PTPN5: variants seen among roughly 807,000 people sequenced by gnomAD.
The protein encoded by PTPN5 is tyrosine-protein phosphatase non-receptor type 5.
In PTPN5, 29 loss-of-function variants were observed where a neutral mutation model predicts 73.9. The observed-to-expected ratio is 0.39, with a 90% confidence interval of 0.29 to 0.54. PTPN5 has a LOEUF of 0.54. Among genes scored for constraint, PTPN5 ranks in the 20% least tolerant of loss-of-function variants. PTPN5 has a pLI of 0.65. For synonymous variants in PTPN5, 267 were observed against 304.7 expected (o/e 0.88, Z 1.29); for missense variants, 652 against 751.4 (o/e 0.87, Z 1.55).
At position 18,786,539 on chromosome 11, in the gene PTPN5, G is replaced by T. The variant is rs545089281; in HGVS notation, c.-114+4986C>A. Among the ~76,000 whole-genome samples the T allele has an allele frequency of 9.2e-5, 14 of 152,320 alleles. No individual in the cohort carries two copies. The East Asian group carries it at 2.7e-3, about 29-fold the overall frequency. On this transcript the variant is annotated intron_variant, in intron 1 of 14. Coordinates refer to ENST00000358540, the MANE Select transcript of PTPN5 (RefSeq NM_006906.2). Reference sequence around the variant, plus strand: ...AATCTTATTTTCCACAATCCCCTAAGATAAGGAAGAGCCTTTTGGTGATAA... The same window carrying T: ...AATCTTATTTTCCACAATCCCCTAATATAAGGAAGAGCCTTTTGGTGATAA...
intron 3 of PTPN5, among the ~76,000 whole-genome samples, chr11:18,755,695 G>A (rs1445230457): frequency 6.6e-6 from 1 of 152,012 alleles, no homozygotes; most frequent in Non-Finnish European, 1.5e-5. Flanking sequence ...TGTTCAACAG[G>A]GATATGGGAA....
Position 18,728,851 on chromosome 11 carries a change from G to A in PTPN5, c.*83C>T, listed in dbSNP as rs1848739927. ...CTGAAGGGGAGGAAGCGGGGAGCAG[G>A]CCCAGGACCCGAGGCAGGGCCCTGG... On this transcript the variant is annotated 3_prime_UTR_variant, in exon 15 of 15. Transcript: ENST00000358540. The surrounding 1 kb of genome is among the most constrained non-coding windows in gnomAD (Gnocchi z 4.1). 7.3e-7 allele frequency: 1 copy of A among 1,365,268 alleles called. No individual in the cohort carries two copies. The highest frequency in any genetic ancestry group is 1.0e-6 in the Non-Finnish European group (1 of 986,238). The allele number at this position is 1,365,268 out of a possible 1,614,324, so 84.6% of individuals were successfully genotyped here.
chr11:18,776,927 C>T (rs1013174238), intron 1 of PTPN5, among the ~76,000 whole-genome samples: 4 of 152,118 alleles, frequency 2.6e-5, no homozygotes, highest in Admixed American at 6.5e-5. Context: ...TTTGGGAGGC[C>T]GAGGTGGGCA....
At chr11:18,783,542 G>A (rs1311281881) in intron 1 of PTPN5, among the ~76,000 whole-genome samples, 2 of 152,194 alleles carry the variant, frequency 1.3e-5, no homozygotes, top group African/African-American at 4.8e-5. Flanking sequence ...GACTCTTGCT[G>A]TGCGTACCTG....
intron 3 of PTPN5, among the ~76,000 whole-genome samples, chr11:18,752,157 G>C (rs1171294329): frequency 6.6e-6 from 1 of 152,186 alleles, no homozygotes; most frequent in African/African-American, 2.4e-5. Context: ...CTTGAACCTG[G>C]GAGGCAGAGT....
chr11:18,746,391 CA>C (rs1849640209), intron 3 of PTPN5, among the ~76,000 whole-genome samples: 1 of 151,654 alleles, frequency 6.6e-6, no homozygotes, highest in Non-Finnish European at 1.5e-5. Context: ...AGGGTTTCAC[CA>C]TGTTGGCCAG....
At chr11:18,783,493 AC>A (rs1256334467) in intron 1 of PTPN5, among the ~76,000 whole-genome samples, 1 of 152,212 alleles carries the variant, frequency 6.6e-6, no homozygotes, top group Non-Finnish European at 1.5e-5. Context: ...CCACAGCCCT[AC>A]AGAGCACAGT....
chr11:18,751,414 A>T (rs1849882954), intron 3 of PTPN5, among the ~76,000 whole-genome samples: 1 of 152,228 alleles, frequency 6.6e-6, no homozygotes, highest in Non-Finnish European at 1.5e-5. Context: ...CCCTGGAGGA[A>T]AAAATTTCCA....
chr11:18,743,947 G>A, intron 4 of PTPN5, 59 bp downstream of exon 4: 12 of 1,510,022 alleles, frequency 7.9e-6, no homozygotes, highest in East Asian at 2.5e-5. Context: ...GAGGAAGTGG[G>A]AGGCTGGCCC....
intron 3 of PTPN5, among the ~76,000 whole-genome samples, chr11:18,761,321 C>A (rs1850380424): frequency 6.6e-6 from 1 of 152,190 alleles, no homozygotes; most frequent in Admixed American, 6.5e-5. Context: ...GGAGCTAGGA[C>A]TATGCTGGGC....
chr11:18,789,807 T>G (rs1851831076), intron 1 of PTPN5, among the ~76,000 whole-genome samples: 1 of 151,584 alleles, frequency 6.6e-6, no homozygotes, highest in Non-Finnish European at 1.5e-5. Context: ...AGGTGGGAGG[T>G]GGATGAGGGA....
intron 1 of PTPN5, among the ~76,000 whole-genome samples, chr11:18,791,128 G>A (rs780754354): frequency 2.0e-5 from 3 of 152,216 alleles, no homozygotes; most frequent in African/African-American, 7.2e-5. Flanking sequence ...CGCTTTAGAG[G>A]CCAGAAGGCT....
Position 18,729,629 on chromosome 11 carries a change from C to T in PTPN5, c.1490+29G>A, listed in dbSNP as rs199799093. ...CAGCCCAGCGGGTGGGGGGCTGCCC[C>T]GCTCCAGTGGCTGGCTGGGAGGACC... On this transcript the variant is annotated intron_variant, in intron 13 of 14. Transcript: ENST00000358540. This position sits in a 1 kb window ranked among gnomAD's most constrained non-coding sequence, Gnocchi z 5.2. 92 of 1,576,712 alleles carry T rather than the reference C, an allele frequency of 5.8e-5. No individual in the cohort carries two copies. The highest frequency in any genetic ancestry group is 4.7e-4 in the African/African-American group (35 of 74,492).
At chr11:18,778,318 T>C (rs1200299884) in intron 1 of PTPN5, among the ~76,000 whole-genome samples, 4 of 152,230 alleles carry the variant, frequency 2.6e-5, no homozygotes, top group Non-Finnish European at 5.9e-5. Flanking sequence ...CTGTTGCTTA[T>C]CTGGCTTGGA....
At position 18,742,974 on chromosome 11, in the gene PTPN5, G is replaced by A. The variant is rs368297779; in HGVS notation, c.483+18C>T. The A allele has an allele frequency of 4.6e-5, 70 of 1,519,580 alleles. No homozygotes were observed. In the African/African-American group the frequency reaches 8.8e-4, roughly 19 times the overall value. The allele number at this position is 1,519,580 out of a possible 1,614,324, so 94.1% of individuals were successfully genotyped here. ...CAGAGGAGGACAGCCTTGAGGTTGG[G>A]GTCAGGAGGCGCCTTACCAGGGTGG... On this transcript the variant is annotated intron_variant, in intron 6 of 14. Coordinates refer to ENST00000358540, the MANE Select transcript of PTPN5 (RefSeq NM_006906.2). This position sits in a 1 kb window ranked among gnomAD's most constrained non-coding sequence, Gnocchi z 4.1.
intron 1 of PTPN5, among the ~76,000 whole-genome samples, chr11:18,773,153 C>T (rs911125394): frequency 6.6e-6 from 1 of 152,078 alleles, no homozygotes; most frequent in African/African-American, 2.4e-5. Flanking sequence ...GGAATTTTTT[C>T]CTTTTCCCTC....
Position 18,737,661 on chromosome 11 carries a change from A to G in PTPN5, c.1000+219T>C, listed in dbSNP as rs560063896. ...AGAGGGTCCAGCACAACATGTGGCC[A>G]GGCAGGGCAAAGGACCAGAGAGTGC... On this transcript the variant is annotated intron_variant, in intron 9 of 14. Transcript: ENST00000358540. 2.4e-4 allele frequency among the ~76,000 whole-genome samples: 37 copies of G among 152,326 alleles called. 1 individual carries two copies. In the South Asian group the frequency reaches 7.5e-3, roughly 31 times the overall value.
chr11:18,785,681 G>T (rs371593672), intron 1 of PTPN5, among the ~76,000 whole-genome samples: 2 of 152,120 alleles, frequency 1.3e-5, no homozygotes, highest in African/African-American at 4.8e-5. Context: ...AATCCCTCCC[G>T]AAAGGCTTGC....
chr11:18,791,997 C>T (rs371162142), upstream of PTPN5: 1 of 152,288 alleles, frequency 6.6e-6, no homozygotes, highest in Non-Finnish European at 1.5e-5. Context: ...CTCCCTCTCC[C>T]GAGCAACTCT....
Sources: allele counts gnomAD v4.1 joint callset (sites outside exome capture counted in the v4.1 genomes callset), GRCh38; gene constraint gnomAD v4.1.1; non-coding constraint Gnocchi (gnomAD v3.1); transcripts MANE v1.5; gene names NCBI Gene and HGNC (gene_info 2026-07-23, HGNC 2026-07-21).